The following ANK2 variants were observed in gnomAD, a reference collection of about 807,000 sequenced individuals.
The protein encoded by ANK2 is ankyrin 2.
A neutral mutation model predicts 360.5 loss-of-function variants in ANK2; 83 were observed. The ratio of observed to expected loss-of-function variants is 0.23; its 90% confidence interval spans 0.19 to 0.28. The LOEUF (loss-of-function observed/expected upper bound fraction) is 0.28, where lower values mean the gene tolerates loss of function less well. Ranked by LOEUF, ANK2 falls within the 10% of genes least tolerant of loss-of-function variation. The pLI, the probability that ANK2 is intolerant of heterozygous loss-of-function variation, is 1.00. For synonymous variants in ANK2, 1,740 were observed against 1,759.5 expected, an observed-to-expected ratio of 0.99 and a Z score of 0.28; for missense variants, 4,201 against 4,795.7, an observed-to-expected ratio of 0.88 and a Z score of 3.66.
intron 1 of ANK2, among the ~76,000 whole-genome samples, chr4:112,872,561 C>A (rs1453748323): frequency 1.3e-5 from 2 of 151,992 alleles, no homozygotes. Context: ...GGTCTCGAAC[C>A]CCCAACCTCA....
intron 24 of ANK2, among the ~76,000 whole-genome samples, chr4:113,315,862 A>C (rs183704035): frequency 1.4e-5 from 2 of 139,818 alleles, no homozygotes; most frequent in African/African-American, 5.5e-5. Context: ...GCGCCACTGC[A>C]CTCCAGCCTG....
chr4:113,034,937 C>T (rs1354707038), intron 2 of ANK2: 1 of 151,914 alleles, frequency 6.6e-6, no homozygotes, highest in Non-Finnish European at 1.5e-5. Flanking sequence ...TGTGGGCTAT[C>T]TAGGAACTCA....
At chr4:113,215,805 A>G (rs2099078819) in intron 4 of ANK2, among the ~76,000 whole-genome samples, 1 of 151,998 alleles carries the variant, frequency 6.6e-6, no homozygotes. Context: ...AAACACAAAA[A>G]CAAAAACAAA....
chr4:113,250,696 A>G lies in ANK2; in HGVS notation c.990+834A>G, dbSNP rs549799487. 2.0e-5 allele frequency among the ~76,000 whole-genome samples: 3 copies of G among 149,158 alleles called. No homozygotes were observed. The East Asian group carries it at 6.0e-4, about 30-fold the overall frequency. On this transcript the variant is annotated intron_variant, in intron 10 of 45. Transcript: ENST00000357077. ...ACCTTGGATCCTTAAATACAACACA[A>G]AGTTAGACAAAGGGCAGTTGTTGTA...
chr4:112,858,735 G>T (rs1448221), intron 1 of ANK2, among the ~76,000 whole-genome samples: 88,616 of 152,052 alleles, frequency 0.58, 26,720 homozygotes, highest in East Asian at 0.84. Flanking sequence ...TTTTCTACCT[G>T]GAAAGTTTCC....
At chr4:112,951,789 T>TAAGAAAACAGAG (rs2095032874) in intron 2 of ANK2, among the ~76,000 whole-genome samples, 1 of 152,188 alleles carries the variant, frequency 6.6e-6, no homozygotes, top group Non-Finnish European at 1.5e-5. Context: ...GAGCACATAT[T>TAAGAAAACAGAG]TTACGAGTAA....
upstream of ANK2, among the ~76,000 whole-genome samples, chr4:113,048,280 T>A (rs868752600): frequency 3.0e-3 from 140 of 46,264 alleles, no homozygotes; most frequent in East Asian, 5.0e-3. Flanking sequence ...ATATATATTT[T>A]TTTTTTTTTT....
chr4:113,202,441 C>T (rs2098844083), intron 4 of ANK2, among the ~76,000 whole-genome samples: 2 of 152,308 alleles, frequency 1.3e-5, no homozygotes, highest in Middle Eastern at 3.4e-3. Flanking sequence ...GAATGTACAA[C>T]AAAATGTCTG....
chr4:112,882,041 A>G lies in ANK2; in HGVS notation c.-39-22414A>G, dbSNP rs2076832588. On this transcript the variant is annotated intron_variant, in intron 1 of 30. Transcript: ENST00000503271. ...ACCACACAATCTGTGAGCCTTCTCCACTGCTCAGAAGGGCTCCTCAGGCTC... is the reference window on the plus strand; with the variant it reads ...ACCACACAATCTGTGAGCCTTCTCCGCTGCTCAGAAGGGCTCCTCAGGCTC... 4 of 457,780 alleles carry G rather than the reference A, an allele frequency of 8.7e-6. No individual in the cohort carries two copies. In the Admixed American group the frequency reaches 1.2e-4, roughly 14 times the overall value. 28.4% of individuals were successfully genotyped at this position (457,780 alleles called of 1,614,324 possible).
At chr4:112,912,950 G>A (rs913629177) in intron 2 of ANK2, among the ~76,000 whole-genome samples, 2 of 152,036 alleles carry the variant, frequency 1.3e-5, no homozygotes, top group African/African-American at 4.8e-5. Context: ...GGGTGGTGTG[G>A]GGTAGGGGAA....
intron 1 of ANK2, among the ~76,000 whole-genome samples, chr4:113,173,735 C>T (rs1051912164): frequency 6.6e-6 from 1 of 152,118 alleles, no homozygotes; most frequent in African/African-American, 2.4e-5. Context: ...CCAGAGTGAT[C>T]ATCTTTACCA....
intron 1 of ANK2, among the ~76,000 whole-genome samples, chr4:113,068,076 C>G (rs1289771708): frequency 6.6e-6 from 1 of 152,180 alleles, no homozygotes; most frequent in Non-Finnish European, 1.5e-5. Context: ...AACATAGCAT[C>G]TCTCTCTATG....
At chr4:112,815,388 G>A (rs2055559432), upstream of ANK2, among the ~76,000 whole-genome samples, 1 of 152,156 alleles carries the variant, frequency 6.6e-6, no homozygotes, top group Non-Finnish European at 1.5e-5. Context: ...CTGTGATATT[G>A]TGATATATAA....
At chr4:112,903,637 A>G (rs2084210578) in intron 1 of ANK2, among the ~76,000 whole-genome samples, 1 of 152,230 alleles carries the variant, frequency 6.6e-6, no homozygotes, top group African/African-American at 2.4e-5. Context: ...TTGTGATTCA[A>G]TAATGTGAGC....
intron 2 of ANK2, among the ~76,000 whole-genome samples, chr4:113,192,924 T>TTA (rs1562781528): frequency 2.2e-5 from 3 of 136,776 alleles, no homozygotes; most frequent in Non-Finnish European, 3.1e-5. Flanking sequence ...TTGCATTATT[T>TTA]AAAAAAAAAA....
At chr4:112,791,664 TG>T in the ANK2 span, among the ~76,000 whole-genome samples, 374 of 146,160 alleles carry the variant, frequency 2.6e-3, 1 homozygote, top group African/African-American at 9.0e-3. Flanking sequence ...AATTTTTTTT[TG>T]TATTTTTAGT....
intron 4 of ANK2, among the ~76,000 whole-genome samples, chr4:113,209,897 C>A (rs1554275543): frequency 6.7e-6 from 1 of 150,120 alleles, no homozygotes; most frequent in Non-Finnish European, 1.5e-5. Context: ...TTTTCAGGCC[C>A]CTCAGGAGGA....
At chr4:112,757,961 C>A in the ANK2 span, among the ~76,000 whole-genome samples, 5 of 137,806 alleles carry the variant, frequency 3.6e-5, no homozygotes, top group African/African-American at 1.2e-4. Flanking sequence ...CCCACTGCAA[C>A]GGCGCCGTCC....
At chr4:113,145,815 C>G in intron 1 of ANK2, 2 of 1,282,860 alleles carry the variant, frequency 1.6e-6, no homozygotes, top group Non-Finnish European at 2.0e-6. Context: ...GAGCCCTGGA[C>G]AGAGTGCAGA....
Sources: gnomAD v4.1 joint callset for allele counts (sites outside exome capture counted in the v4.1 genomes callset) on GRCh38, gnomAD v4.1.1 for gene constraint, MANE v1.5 for transcripts, NCBI Gene and HGNC (gene_info 2026-07-23, HGNC 2026-07-21) for gene names.